The following CNBD1 variants were observed in gnomAD, a reference collection of about 807,000 sequenced individuals.
The protein encoded by CNBD1 is cyclic nucleotide binding domain containing 1.
In CNBD1, 71 loss-of-function variants were observed where a neutral mutation model predicts 54.4. The observed-to-expected ratio is 1.30, with a 90% CI of 1.08 to 1.59. The LOEUF is 1.59. CNBD1 is among the 40% of genes most tolerant of loss of function. The pLI is 0.00. For synonymous variants in CNBD1, 182 were observed against 170.7 expected, an observed-to-expected ratio of 1.07 and a Z score of -0.51; for missense variants, 659 against 518.0, an observed-to-expected ratio of 1.27 and a Z score of -2.64.
intron 2 of CNBD1, among the ~76,000 whole-genome samples, chr8:87,426,138 G>C (rs939262546): frequency 6.6e-5 from 10 of 152,224 alleles, no homozygotes; most frequent in Non-Finnish European, 1.2e-4. Context: ...CTGAGCCCTT[G>C]TGCTTCCTGA....
intron 4 of CNBD1, among the ~76,000 whole-genome samples, chr8:87,157,416 G>A (rs1341595349): frequency 1.3e-5 from 2 of 152,168 alleles, no homozygotes; most frequent in Non-Finnish European, 2.9e-5. Context: ...CAGGCCCAAA[G>A]TAATAAGGAT....
chr8:86,968,838 C>T (rs906056392), intron 4 of CNBD1, among the ~76,000 whole-genome samples: 2 of 152,124 alleles, frequency 1.3e-5, no homozygotes, highest in Non-Finnish European at 2.9e-5. Context: ...ATCAGATACG[C>T]ATTTATCTCA....
rs185760718 is a variant in CNBD1, at chr8:87,314,779, A to T, written c.1042+28108A>T. On this transcript the variant is annotated intron_variant, in intron 8 of 10. Transcript: ENST00000518476. ...AAAGGAAGAAGAGGTTACATATATG[A>T]TAGCACCCCAAATACTAAATATCTA... is the stretch of plus-strand genomic sequence containing the variant. Among the ~76,000 whole-genome samples the T allele has an allele frequency of 2.6e-5, 4 of 152,152 alleles. No individual in the cohort carries two copies. The East Asian group carries it at 7.7e-4, about 29-fold the overall frequency.
intron 4 of CNBD1, among the ~76,000 whole-genome samples, chr8:87,176,343 A>G (rs995334826): frequency 2.6e-4 from 40 of 152,172 alleles, no homozygotes; most frequent in African/African-American, 9.7e-4. Context: ...CAAATAACAA[A>G]CCCAGTAATA....
chr8:87,269,997 A>G (rs1299407172), intron 6 of CNBD1, among the ~76,000 whole-genome samples: 2 of 152,038 alleles, frequency 1.3e-5, no homozygotes, highest in East Asian at 3.9e-4. Flanking sequence ...AAATAGATAC[A>G]AAGATCCTCA....
chr8:87,400,180 A>C (rs778214086), intron 2 of CNBD1, among the ~76,000 whole-genome samples: 1 of 151,994 alleles, frequency 6.6e-6, no homozygotes, highest in African/African-American at 2.4e-5. Context: ...TCCATCTGCT[A>C]AAATCCTTTT....
chr8:87,199,878 A>G (rs945795591), intron 4 of CNBD1, among the ~76,000 whole-genome samples: 3 of 152,152 alleles, frequency 2.0e-5, no homozygotes, highest in African/African-American at 7.2e-5. Context: ...ACTTATAACA[A>G]AAATGACCAA....
chr8:86,924,390 A>G (rs955604801), intron 3 of CNBD1, among the ~76,000 whole-genome samples: 1 of 152,198 alleles, frequency 6.6e-6, no homozygotes, highest in African/African-American at 2.4e-5. Flanking sequence ...GATGAGAGTC[A>G]TCAAGATGAG....
At chr8:86,890,822 A>G (rs1375475206) in intron 2 of CNBD1, among the ~76,000 whole-genome samples, 1 of 151,422 alleles carries the variant, frequency 6.6e-6, no homozygotes, top group African/African-American at 2.4e-5. Context: ...TTTAGTTTTC[A>G]TTTCCCCATT....
chr8:87,340,692 T>G (rs904580905), intron 8 of CNBD1, among the ~76,000 whole-genome samples: 1 of 152,270 alleles, frequency 6.6e-6, no homozygotes, highest in East Asian at 1.9e-4. Context: ...TTAATTTGCT[T>G]TATAAAGTCT....
intron 8 of CNBD1, among the ~76,000 whole-genome samples, chr8:87,332,885 A>G (rs985811919): frequency 6.6e-6 from 1 of 152,158 alleles, no homozygotes; most frequent in African/African-American, 2.4e-5. Flanking sequence ...TGAATTTTAA[A>G]GTAGTTTTTT....
intron 2 of CNBD1, among the ~76,000 whole-genome samples, chr8:87,389,292 G>A (rs936071795): frequency 6.6e-6 from 1 of 152,160 alleles, no homozygotes; most frequent in African/African-American, 2.4e-5. Flanking sequence ...ATTCAATTAG[G>A]AAAAGAGGAA....
chr8:87,332,350 GAA>G (rs34418577), intron 8 of CNBD1, among the ~76,000 whole-genome samples: 1,928 of 116,366 alleles, frequency 0.017, 21 homozygotes, highest in African/African-American at 0.042. Flanking sequence ...TCTGTCTAAA[GAA>G]AAAAAAAAAA....
At chr8:87,220,384 G>C (rs1814304859) in intron 5 of CNBD1, among the ~76,000 whole-genome samples, 1 of 151,870 alleles carries the variant, frequency 6.6e-6, no homozygotes, top group South Asian at 2.1e-4. Context: ...TCCAGAAGAA[G>C]ACCAGCATCT....
At chr8:86,875,837 A>C (rs373190376) in intron 1 of CNBD1, among the ~76,000 whole-genome samples, 10 of 152,326 alleles carry the variant, frequency 6.6e-5, no homozygotes, top group South Asian at 6.2e-4. Context: ...AATTTTAAAA[A>C]TTTCAACTTA....
chr8:87,005,112 G>A (rs1027991241), intron 4 of CNBD1, among the ~76,000 whole-genome samples: 4 of 151,828 alleles, frequency 2.6e-5, no homozygotes, highest in Non-Finnish European at 5.9e-5. Context: ...AGCAGGGCAC[G>A]GTGGCTCACG....
At chr8:87,170,117 C>A (rs969268566) in intron 4 of CNBD1, among the ~76,000 whole-genome samples, 7 of 151,950 alleles carry the variant, frequency 4.6e-5, no homozygotes, top group Admixed American at 3.9e-4. Context: ...TTGTAGAGAA[C>A]TTTCACTTCT....
intron 8 of CNBD1, among the ~76,000 whole-genome samples, chr8:87,337,323 TG>T (rs1016963178): frequency 6.6e-6 from 1 of 152,100 alleles, no homozygotes; most frequent in Non-Finnish European, 1.5e-5. Flanking sequence ...TCTGCTGGTT[TG>T]TGGGGACTTC....
chr8:87,019,232 T>C (rs1772684365), intron 4 of CNBD1, among the ~76,000 whole-genome samples: 1 of 152,170 alleles, frequency 6.6e-6, no homozygotes, highest in Non-Finnish European at 1.5e-5. Context: ...TCTATCTGCC[T>C]TTTTACTTAA....
Sources: gnomAD v4.1 joint callset for allele counts (sites outside exome capture counted in the v4.1 genomes callset) on GRCh38, gnomAD v4.1.1 for gene constraint, MANE v1.5 for transcripts, NCBI Gene and HGNC (gene_info 2026-07-23, HGNC 2026-07-21) for gene names.